The following NEXMIF variants were observed in gnomAD, a reference collection of about 807,000 sequenced individuals.
The protein encoded by NEXMIF is neurite extension and migration factor.
In NEXMIF, 8 loss-of-function variants were observed where a neutral mutation model predicts 62.1. The observed-to-expected ratio is 0.13, with a 90% CI of 0.08 to 0.23. NEXMIF has a LOEUF of 0.23. NEXMIF is among the 10% of genes least tolerant of loss of function. The pLI, the probability that NEXMIF is intolerant of heterozygous loss-of-function variation, is 1.00. For missense variants in NEXMIF, 976 were observed against 1,113.3 expected (o/e 0.88, Z 1.75); for synonymous variants, 404 against 416.6 (o/e 0.97, Z 0.37).
At chrX:74,818,021 GCT>G (rs2080381507) in intron 1 of NEXMIF, among the ~76,000 whole-genome samples, 1 of 109,936 alleles carries the variant, frequency 9.1e-6, no homozygotes, top group African/African-American at 3.3e-5. Context: ...TGTTAAAATG[GCT>G]ATACTGCCCA....
chrX:74,824,890 C>T (rs914911411), intron 1 of NEXMIF, among the ~76,000 whole-genome samples: 6 of 110,681 alleles, frequency 5.4e-5, no homozygotes, highest in African/African-American at 1.3e-4. Flanking sequence ...CGTCGTGATC[C>T]GCCCACCTCG....
At chrX:74,902,947 A>G (rs1357456284) in intron 1 of NEXMIF, among the ~76,000 whole-genome samples, 1 of 111,559 alleles carries the variant, frequency 9.0e-6, no homozygotes, top group Non-Finnish European at 1.9e-5. Flanking sequence ...CCCAGTTTGA[A>G]GGGTAAATGC....
At chrX:74,837,297 C>T (rs2080460368) in intron 1 of NEXMIF, among the ~76,000 whole-genome samples, 1 of 111,811 alleles carries the variant, frequency 8.9e-6, no homozygotes, top group Non-Finnish European at 1.9e-5. Context: ...ACAGTGCTTT[C>T]TGTGTGCAGA....
chrX:74,796,252 ATAT>A (rs1273626334), intron 1 of NEXMIF, among the ~76,000 whole-genome samples: 2 of 50,943 alleles, frequency 3.9e-5, no homozygotes, highest in Admixed American at 3.6e-4. Context: ...ATACACATAT[ATAT>A]TATATATATT....
intron 1 of NEXMIF, among the ~76,000 whole-genome samples, chrX:74,761,260 C>T (rs1456983103): frequency 9.0e-6 from 1 of 111,456 alleles, no homozygotes; most frequent in African/African-American, 3.3e-5. Context: ...GTCTCTCCCC[C>T]TCAATTTTTT....
chrX:74,881,534 G>T (rs1041653060), intron 1 of NEXMIF, among the ~76,000 whole-genome samples: 1 of 111,228 alleles, frequency 9.0e-6, no homozygotes. Context: ...GACATCTTGG[G>T]TCAGGTACTT....
rs1357769216 is a variant in NEXMIF, at chrX:74,925,419, G to GGCT, written c.-587_-585dup. ...CTGTGGCGGCGGTGGTGGCGGCGGC[G>GGCT]GCTGCTGCTGCTGCTGCTGATGCTA... On this transcript the variant is annotated 5_prime_UTR_variant, in exon 1 of 4. Transcript: ENST00000055682. The GGCT allele has an allele frequency of 1.7e-4, 33 of 190,787 alleles. No homozygotes were observed. The highest frequency in any genetic ancestry group is 6.7e-4 in the African/African-American group (22 of 32,674). The allele number at this position is 190,787 out of a possible 1,213,427, so 15.7% of individuals were successfully genotyped here.
At chrX:74,769,627 A>T (rs1465936129) in intron 1 of NEXMIF, 18 of 607,247 alleles carry the variant, frequency 3.0e-5, no homozygotes, top group Non-Finnish European at 5.1e-5. Flanking sequence ...GGATATATTC[A>T]GTCACGGTAT....
intron 1 of NEXMIF, among the ~76,000 whole-genome samples, chrX:74,811,963 A>G: frequency 8.8e-6 from 1 of 113,115 alleles, no homozygotes; most frequent in Non-Finnish European, 1.9e-5. Flanking sequence ...CCATCTGAAC[A>G]TAAGAGGAAG....
At position 74,899,341 on chromosome X, in the gene NEXMIF, CA is replaced by C. The variant is rs1181482974; in HGVS notation, c.-48+25541del. On this transcript the variant is annotated intron_variant, in intron 1 of 3. Transcript: ENST00000055682. Reference sequence around the variant, plus strand: ...ATACAAAACCCTAAAGATCGTCCCCCAAAAAAAACTGTTAGAACTGATCAAT... The same window carrying C: ...ATACAAAACCCTAAAGATCGTCCCCCAAAAAAACTGTTAGAACTGATCAAT... Among the ~76,000 whole-genome samples, 7 of 110,470 alleles carry C rather than the reference CA, an allele frequency of 6.3e-5. No individual in the cohort carries two copies. The East Asian group carries it at 1.1e-3, about 18-fold the overall frequency.
intron 1 of NEXMIF, among the ~76,000 whole-genome samples, chrX:74,912,344 A>G: frequency 8.9e-6 from 1 of 111,779 alleles, no homozygotes; most frequent in Non-Finnish European, 1.9e-5. Context: ...TCCTCAATCA[A>G]TGGTTACCTC....
chrX:74,896,272 C>A (rs1384174914), intron 1 of NEXMIF, among the ~76,000 whole-genome samples: 1 of 111,999 alleles, frequency 8.9e-6, no homozygotes, highest in Non-Finnish European at 1.9e-5. Context: ...TTGCTGCCTT[C>A]TTCCTTATCT....
chrX:74,741,381 G>A lies in NEXMIF; in HGVS notation c.3176C>T (p.Thr1059Ile). 1 of 1,211,314 alleles carries A rather than the reference G, an allele frequency of 8.3e-7. No homozygotes were observed. Among genetic ancestry groups the A allele is most frequent in the Non-Finnish European group, 1.1e-6 (1 of 895,283 alleles). ...STDLLDISNFTPDKFRHSSLS... is the reference protein window; with the variant it reads ...STDLLDISNFIPDKFRHSSLS... Reference sequence around the variant, plus strand: ...GGAAGAGTGGCGGAATTTGTCAGGGGTGAAGTTGGATATATCCAGGAGGTC... The same window carrying A: ...GGAAGAGTGGCGGAATTTGTCAGGGATGAAGTTGGATATATCCAGGAGGTC... The change falls in exon 3 of 4, where the codon ACC becomes ATC. Residue 1059 changes from threonine (T) to isoleucine (I), a missense_variant. Physicochemically the swap from Thr to Ile is moderately conservative, Grantham distance 89. Coordinates refer to ENST00000055682, the MANE Select transcript of NEXMIF (RefSeq NM_001008537.3).
intron 1 of NEXMIF, among the ~76,000 whole-genome samples, chrX:74,885,416 G>T (rs1264654916): frequency 1.8e-5 from 2 of 111,322 alleles, no homozygotes; most frequent in African/African-American, 6.5e-5. Flanking sequence ...TAATAAAGAA[G>T]AAAAGGGAGA....
chrX:74,851,287 AG>A (rs1398881548), intron 1 of NEXMIF, among the ~76,000 whole-genome samples: 8 of 111,646 alleles, frequency 7.2e-5, no homozygotes, highest in Non-Finnish European at 1.3e-4. Flanking sequence ...AGAAGAACAA[AG>A]GGGGTAGAAA....
At position 74,888,888 on chromosome X, in the gene NEXMIF, GA is replaced by G. The variant is rs1268078047; in HGVS notation, c.-48+35994del. Among the ~76,000 whole-genome samples the G allele has an allele frequency of 2.7e-5, 3 of 111,075 alleles. No homozygotes were observed. In the South Asian group the frequency reaches 1.2e-3, roughly 43 times the overall value. Reference sequence around the variant, plus strand: ...ATACTCAGTTTTCAAAAAGTAGCAGGAAAAAAATTTGGCCATGGAACTGATG... The same window carrying G: ...ATACTCAGTTTTCAAAAAGTAGCAGGAAAAAATTTGGCCATGGAACTGATG... On this transcript the variant is annotated intron_variant, in intron 1 of 3. Coordinates refer to ENST00000055682, the MANE Select transcript of NEXMIF (RefSeq NM_001008537.3).
chrX:74,808,443 T>C (rs1394176212), intron 1 of NEXMIF, among the ~76,000 whole-genome samples: 3 of 111,975 alleles, frequency 2.7e-5, no homozygotes, highest in Non-Finnish European at 5.6e-5. Context: ...TATAATTCTT[T>C]TTGTACATTG....
chrX:74,809,522 C>A (rs766839542), intron 1 of NEXMIF, among the ~76,000 whole-genome samples: 14 of 111,700 alleles, frequency 1.3e-4, no homozygotes, highest in Non-Finnish European at 2.3e-4. Flanking sequence ...GAACTGGTCA[C>A]CTTCAGAACT....
intron 1 of NEXMIF, among the ~76,000 whole-genome samples, chrX:74,884,429 C>G (rs2080681491): frequency 1.8e-5 from 2 of 110,593 alleles, no homozygotes; most frequent in Admixed American, 1.9e-4. Flanking sequence ...CACATAGGCT[C>G]AAAATAAAGG....
Sources: allele counts gnomAD v4.1 joint callset (sites outside exome capture counted in the v4.1 genomes callset), GRCh38; gene constraint gnomAD v4.1.1; transcripts MANE v1.5; gene names NCBI Gene and HGNC (gene_info 2026-07-23, HGNC 2026-07-21).